The following CHRM3 variants were observed in gnomAD, a reference collection of about 807,000 sequenced individuals.
The protein encoded by CHRM3 is cholinergic receptor muscarinic 3.
A neutral mutation model predicts 41.8 loss-of-function variants in CHRM3; 11 were observed. The observed-to-expected ratio is 0.26, with a 90% CI of 0.17 to 0.44. The LOEUF (loss-of-function observed/expected upper bound fraction) is 0.44, where lower values mean the gene tolerates loss of function less well. CHRM3 is among the 20% of genes least tolerant of loss of function. The probability of loss-of-function intolerance (pLI) is 1.00; values close to 1 mark genes in which losing one functional copy is unlikely to be tolerated. For synonymous variants in CHRM3, 297 were observed against 301.4 expected (o/e 0.99, Z 0.15); for missense variants, 571 against 745.4 (o/e 0.77, Z 2.72).
chr1:239,852,472 C>A (rs1386461063), intron 6 of CHRM3, among the ~76,000 whole-genome samples: 2 of 152,022 alleles, frequency 1.3e-5, no homozygotes, highest in Non-Finnish European at 2.9e-5. Context: ...TTCTTTGAAC[C>A]AAATTTCAGA....
At chr1:239,516,205 C>T (rs1669259516) in intron 2 of CHRM3, among the ~76,000 whole-genome samples, 1 of 152,082 alleles carries the variant, frequency 6.6e-6, no homozygotes, top group Non-Finnish European at 1.5e-5. Flanking sequence ...CAGAGGGGTA[C>T]TATTCCCAGG....
intron 5 of CHRM3, among the ~76,000 whole-genome samples, chr1:239,711,276 T>C (rs1661754797): frequency 6.6e-6 from 1 of 152,054 alleles, no homozygotes; most frequent in African/African-American, 2.4e-5. Context: ...GGATAAACTT[T>C]ACTGACCCCC....
At position 239,909,178 on chromosome 1, in the gene CHRM3, G is replaced by C. The variant is rs1307339238; in HGVS notation, c.1727G>C (p.Arg576Thr). ...AGGCGCAAGCAGCAGTACCAGCAGA[G>C]ACAGTCGGTCATTTTTCACAAGCGC... ...KKRRKQQYQQRQSVIFHKRAP... is the reference protein window; with the variant it reads ...KKRRKQQYQQTQSVIFHKRAP... The change falls in exon 7 of 7, where the codon AGA (arginine) becomes ACA (threonine). Residue 576 changes from arginine (R) to threonine (T), a missense_variant. Arg to Thr is a moderately conservative substitution (Grantham distance 71). Transcript: ENST00000676153. The C allele has an allele frequency of 6.2e-7, 1 of 1,613,536 alleles. No homozygotes were observed. Among genetic ancestry groups the C allele is most frequent in the African/African-American group, 1.3e-5 (1 of 74,992 alleles).
intron 3 of CHRM3, among the ~76,000 whole-genome samples, chr1:239,557,158 T>C (rs12406060): frequency 0.4 from 61,117 of 151,836 alleles, 13,230 homozygotes; most frequent in East Asian, 0.62. Flanking sequence ...CAAGGCAACG[T>C]GATTGCATTG....
At chr1:239,404,373 AAAGAAAGAAAGAAAG>A (rs1239122154) in intron 1 of CHRM3, among the ~76,000 whole-genome samples, 2 of 70,760 alleles carry the variant, frequency 2.8e-5, no homozygotes, top group African/African-American at 1.2e-4. Flanking sequence ...AGAAAGAAAG[AAAGAAAGAAAGAAAG>A]AAAGAAAGAA....
intron 1 of CHRM3, among the ~76,000 whole-genome samples, chr1:239,460,599 A>C (rs1665284369): frequency 6.6e-6 from 1 of 151,650 alleles, no homozygotes; most frequent in Non-Finnish European, 1.5e-5. Flanking sequence ...TGTCAATTAA[A>C]AAAATCTACA....
chr1:239,840,360 G>A (rs1673692940), intron 6 of CHRM3, among the ~76,000 whole-genome samples: 1 of 152,176 alleles, frequency 6.6e-6, no homozygotes. Context: ...GTGGCCTGCA[G>A]CACTCAAATA....
chr1:239,485,438 C>A (rs527928567), intron 1 of CHRM3, among the ~76,000 whole-genome samples: 1 of 152,096 alleles, frequency 6.6e-6, no homozygotes, highest in Non-Finnish European at 1.5e-5. Context: ...GCACATGCCA[C>A]CACCTGGCTA....
chr1:239,508,476 T>G (rs1668716300), intron 2 of CHRM3, among the ~76,000 whole-genome samples: 2 of 152,238 alleles, frequency 1.3e-5, no homozygotes, highest in Non-Finnish European at 1.5e-5. Context: ...TTTTGTTATT[T>G]GCAATTTAAT....
At chr1:239,485,384 G>A (rs908246819) in intron 1 of CHRM3, among the ~76,000 whole-genome samples, 1 of 152,120 alleles carries the variant, frequency 6.6e-6, no homozygotes, top group African/African-American at 2.4e-5. Context: ...TGCAGCCTCA[G>A]CTTTCTGGGC....
intron 4 of CHRM3, among the ~76,000 whole-genome samples, chr1:239,653,399 A>G (rs1672417998): frequency 6.6e-6 from 1 of 152,162 alleles, no homozygotes; most frequent in Non-Finnish European, 1.5e-5. Context: ...TCTTTTTACA[A>G]CCGAGTGATG....
At chr1:239,586,886 A>G (rs1410645680) in intron 3 of CHRM3, among the ~76,000 whole-genome samples, 10 of 152,178 alleles carry the variant, frequency 6.6e-5, no homozygotes, top group African/African-American at 1.9e-4. Flanking sequence ...CCAAGAGAAA[A>G]AAGGGAAAGT....
chr1:239,422,139 G>A (rs774666677), intron 1 of CHRM3, among the ~76,000 whole-genome samples: 8 of 152,088 alleles, frequency 5.3e-5, no homozygotes, highest in Non-Finnish European at 8.8e-5. Context: ...ATATTTTACC[G>A]AATGCTTTTA....
chr1:239,690,220 C>A (rs1435885915), intron 5 of CHRM3, among the ~76,000 whole-genome samples: 1 of 151,944 alleles, frequency 6.6e-6, no homozygotes, highest in Non-Finnish European at 1.5e-5. Context: ...CTTGAAATTT[C>A]TTTTCATTTA....
chr1:239,516,185 A>T (rs1441372507), intron 2 of CHRM3, among the ~76,000 whole-genome samples: 1 of 152,158 alleles, frequency 6.6e-6, no homozygotes, highest in Non-Finnish European at 1.5e-5. Flanking sequence ...GAAAGAATTT[A>T]TAGTATGAAC....
chr1:239,605,854 T>G (rs912153666), intron 3 of CHRM3, among the ~76,000 whole-genome samples: 1 of 152,222 alleles, frequency 6.6e-6, no homozygotes, highest in East Asian at 1.9e-4. Flanking sequence ...GAAAGGTATA[T>G]GCATATCAAT....
At chr1:239,665,162 CT>C (rs1673649617) in intron 4 of CHRM3, among the ~76,000 whole-genome samples, 1 of 81,466 alleles carries the variant, frequency 1.2e-5, no homozygotes, top group Admixed American at 1.4e-4. Flanking sequence ...TTGTTTTTCT[CT>C]GAAAAAAAAA....
intron 5 of CHRM3, among the ~76,000 whole-genome samples, chr1:239,682,152 G>A (rs1410212010): frequency 2.6e-5 from 4 of 152,146 alleles, no homozygotes; most frequent in African/African-American, 4.8e-5. Flanking sequence ...CATCTCTAGA[G>A]GCACATTAAG....
intron 3 of CHRM3, among the ~76,000 whole-genome samples, chr1:239,547,777 G>A (rs1366479167): frequency 1.3e-5 from 2 of 152,084 alleles, no homozygotes; most frequent in Non-Finnish European, 2.9e-5. Context: ...TCATAAATGT[G>A]CTCAATTATT....
Sources: gnomAD v4.1 joint callset for allele counts (sites outside exome capture counted in the v4.1 genomes callset) on GRCh38, gnomAD v4.1.1 for gene constraint, MANE v1.5 for transcripts, NCBI Gene and HGNC (gene_info 2026-07-23, HGNC 2026-07-21) for gene names.